Variants in STK25 observed in about 807,000 individuals in gnomAD.
STK25 encodes the protein serine/threonine-protein kinase 25.
Under a neutral mutation model 53.8 loss-of-function variants are expected in STK25, and 29 were observed. The observed-to-expected ratio is 0.54, with a 90% CI of 0.40 to 0.74. STK25 has a LOEUF of 0.74. STK25 is among the 30% of genes least tolerant of loss of function. The pLI is 0.00. For synonymous variants in STK25, 247 were observed against 238.3 expected, an observed-to-expected ratio of 1.04 and a Z score of -0.33; for missense variants, 420 against 568.0, an observed-to-expected ratio of 0.74 and a Z score of 2.65.
rs1204314749 is a variant in STK25, at chr2:241,495,619, AAAAC to A, written c.*39_*42del. 3.1e-6 allele frequency: 5 copies of A among 1,612,632 alleles called. No individual in the cohort carries two copies. The highest frequency in any genetic ancestry group is 2.5e-6 in the Non-Finnish European group (3 of 1,178,610). ...CACAGTTCTTATGGAGCTCAGAACA[AAAAC>A]AAACGACCTTCCGTCCCCTATCTGA... On this transcript the variant is annotated 3_prime_UTR_variant, in exon 12 of 12. Coordinates refer to ENST00000316586, the MANE Select transcript of STK25 (RefSeq NM_001271977.2).
chr2:241,506,279 T>A (rs1176543305), intron 2 of STK25, among the ~76,000 whole-genome samples: 1 of 152,200 alleles, frequency 6.6e-6, no homozygotes, highest in Non-Finnish European at 1.5e-5. Context: ...AAGTCTCTCA[T>A]CATCCAGGCT....
At position 241,501,635 on chromosome 2, in the gene STK25, T is replaced by C. The variant is rs749783236; in HGVS notation, c.104A>G (p.Tyr35Cys). 34 of 1,613,984 alleles carry C rather than the reference T, an allele frequency of 2.1e-5. No individual in the cohort carries two copies. Among genetic ancestry groups the C allele is most frequent in the Non-Finnish European group, 2.6e-5 (31 of 1,180,044 alleles). ...CTTTGTGTGGTTATCGATGCCCTTG[T>C]AGACCTCCCCAAACGAGCCCTTGCC... ...RIGKGSFGEVYKGIDNHTKEV... is the reference protein window; with the variant it reads ...RIGKGSFGEVCKGIDNHTKEV... Residue 35 changes from tyrosine (Y) to cysteine (C), a missense_variant, in exon 3 of 12, where the codon TAC (tyrosine) becomes TGC (cysteine). Physicochemically the swap from Tyr to Cys is radical, Grantham distance 194. Transcript: ENST00000316586. This position sits in a 1 kb window ranked among gnomAD's most constrained non-coding sequence, Gnocchi z 5.3.
Position 241,498,658 on chromosome 2 carries a change from TG to T in STK25, c.897del (p.Ser300AlafsTer105). ...RWKSEGHGEESSSEDSDIDGE... is the reference protein window; with the variant it reads ...RWKSEGHGEEXSSEDSDIDGE... ...CCCTACATGTCAGAGTCCTCAGAGC[TG>T]GACTCCTCGCCATGCCCCTCTGACT... is the stretch of plus-strand genomic sequence containing the variant. On this transcript the variant is annotated frameshift_variant, in exon 8 of 12. Transcript: ENST00000316586. LOFTEE classifies it high-confidence loss of function. 1 of 1,613,936 alleles carries T rather than the reference TG, an allele frequency of 6.2e-7. No individual in the cohort carries two copies. The highest frequency in any genetic ancestry group is 8.5e-7 in the Non-Finnish European group (1 of 1,179,954).
chr2:241,493,578 C>A lies in STK25; in HGVS notation c.*2084G>T. On this transcript the variant is annotated 3_prime_UTR_variant, in exon 12 of 12. Transcript: ENST00000316586. ...GGCTGAGCAATGCTTCCAGCATTTC[C>A]AAAAAACAGCAATGCTTTGTTTTTT... 9.7e-6 allele frequency: 7 copies of A among 719,542 alleles called. No homozygotes were observed. Among genetic ancestry groups the A allele is most frequent in the Non-Finnish European group, 1.6e-5 (7 of 437,510 alleles). The allele number at this position is 719,542 out of a possible 1,614,324, so 44.6% of individuals were successfully genotyped here.
rs538352948 is a variant in STK25, at chr2:241,495,506, C to T, written c.*156G>A. On this transcript the variant is annotated 3_prime_UTR_variant, in exon 12 of 12. Coordinates refer to ENST00000316586, the MANE Select transcript of STK25 (RefSeq NM_001271977.2). ...AGCACACTGCAGGGGTGGAAGGAGA[C>T]GGTGACCTGGTGACCTGGCATGTGA... The T allele has an allele frequency of 4.0e-5, 29 of 724,368 alleles. No homozygotes were observed. In the African/African-American group the frequency reaches 4.1e-4, roughly 10 times the overall value. The allele number at this position is 724,368 out of a possible 1,614,324, so 44.9% of individuals were successfully genotyped here. A position where few individuals can be genotyped will look rare whatever the true frequency, so the allele number is the denominator to read the frequency against.
In STK25 at chr2:241,493,557, GAGCAATGCTTCCAGCATTTCCAAAAAAC is replaced by G; in HGVS notation, c.*2077_*2104del. 1.1e-6 allele frequency: 1 copy of G among 929,570 alleles called. No homozygotes were observed. The highest frequency in any genetic ancestry group is 1.7e-6 in the Non-Finnish European group (1 of 597,266). 57.6% of individuals were successfully genotyped at this position (929,570 alleles called of 1,614,324 possible). A position where few individuals can be genotyped will look rare whatever the true frequency, so the allele number is the denominator to read the frequency against. On this transcript the variant is annotated 3_prime_UTR_variant, in exon 12 of 12. Transcript: ENST00000316586. ...TTCTGGGCCCTGGAAAGGAAGGGCT[GAGCAATGCTTCCAGCATTTCCAAAAAAC>G]AGCAATGCTTTGTTTTTTTTTTTTT...
At chr2:241,507,758 G>A (rs1309926409) in intron 2 of STK25, among the ~76,000 whole-genome samples, 3 of 152,242 alleles carry the variant, frequency 2.0e-5, no homozygotes, top group Non-Finnish European at 4.4e-5. Context: ...CCCTCGCACA[G>A]GCGGAGCCAC....
chr2:241,501,558 C>T lies in STK25; in HGVS notation c.181G>A (p.Glu61Lys). 2 of 1,614,110 alleles carry T rather than the reference C, an allele frequency of 1.2e-6. No homozygotes were observed. Among genetic ancestry groups the T allele is most frequent in the South Asian group, 1.1e-5 (1 of 91,084 alleles). The change falls in exon 3 of 12, where the codon GAG becomes AAG. Residue 61 changes from glutamate (E) to lysine (K), a missense_variant. Physicochemically the swap from Glu to Lys is moderately conservative, Grantham distance 56. Coordinates refer to ENST00000316586, the MANE Select transcript of STK25 (RefSeq NM_001271977.2). This position sits in a 1 kb window ranked among gnomAD's most constrained non-coding sequence, Gnocchi z 5.3. ...IDLEEAEDEI[E>K]DIQQEITVLS... ...ACAGTGATCTCCTGCTGGATGTCCTCGATCTCATCCTCGGCCTCCTCCAGG... is the reference window on the plus strand; with the variant it reads ...ACAGTGATCTCCTGCTGGATGTCCTTGATCTCATCCTCGGCCTCCTCCAGG...
Position 241,498,979 on chromosome 2 carries a change from C to G in STK25, c.771+10G>C. The G allele has an allele frequency of 6.2e-7, 1 of 1,613,550 alleles. No individual in the cohort carries two copies. The highest frequency in any genetic ancestry group is 1.1e-5 in the South Asian group (1 of 91,062). On this transcript the variant is annotated intron_variant, in intron 7 of 11. Transcript: ENST00000316586. ...TGTCTAGAAGGGACCGGGCCAGAGG[C>G]GGGCCTTACGAATCGGGGGTCTTTG...
In STK25 at chr2:241,496,272, C is replaced by A. The variant is rs2065150048; in HGVS notation, c.1241+126G>T. The A allele has an allele frequency of 1.6e-6, 2 of 1,235,534 alleles. No individual in the cohort carries two copies. Among genetic ancestry groups the A allele is most frequent in the African/African-American group, 3.0e-5 (2 of 66,882 alleles). 76.5% of individuals were successfully genotyped at this position (1,235,534 alleles called of 1,614,324 possible). On this transcript the variant is annotated intron_variant, in intron 11 of 11. Transcript: ENST00000316586. This position sits in a 1 kb window ranked among gnomAD's most constrained non-coding sequence, Gnocchi z 5.8. Reference sequence around the variant, plus strand: ...GAAGAGGATGCCACGCCGCGCCTTCCCAGAGTGAAGCGAGCCCATGTAGTG... The same window carrying A: ...GAAGAGGATGCCACGCCGCGCCTTCACAGAGTGAAGCGAGCCCATGTAGTG...
rs753010114 is a variant in STK25, at chr2:241,501,353, C to G, written c.261+125G>C. ...ACACCCTGCCTGCCCAGGGCAGTTT[C>G]CCGGAGGGCATGCACTGAACCGTCA... On this transcript the variant is annotated intron_variant, in intron 3 of 11. Coordinates refer to ENST00000316586, the MANE Select transcript of STK25 (RefSeq NM_001271977.2). This position sits in a 1 kb window ranked among gnomAD's most constrained non-coding sequence, Gnocchi z 5.3. 1.0e-6 allele frequency: 1 copy of G among 985,046 alleles called. No individual in the cohort carries two copies. Among genetic ancestry groups the G allele is most frequent in the South Asian group, 1.4e-5 (1 of 71,042 alleles). 61.0% of individuals were successfully genotyped at this position (985,046 alleles called of 1,614,324 possible).
chr2:241,505,961 C>G (rs2065798932), intron 2 of STK25, among the ~76,000 whole-genome samples: 1 of 152,244 alleles, frequency 6.6e-6, no homozygotes, highest in Admixed American at 6.5e-5. Flanking sequence ...CTGGGGCTGC[C>G]AGGTCTGGGG....
chr2:241,499,235 C>T lies in STK25; in HGVS notation c.585+22G>A. On this transcript the variant is annotated intron_variant, in intron 6 of 11. Coordinates refer to ENST00000316586, the MANE Select transcript of STK25 (RefSeq NM_001271977.2). ...ACCCGAGCCAGGCATGGTGCCCGCA[C>T]CTGCCCGCCCGCTGCACCCACCTTG... 3 of 1,613,824 alleles carry T rather than the reference C, an allele frequency of 1.9e-6. No homozygotes were observed. The South Asian group carries it at 3.3e-5, about 18-fold the overall frequency.
chr2:241,506,197 C>T (rs567727511), intron 2 of STK25, among the ~76,000 whole-genome samples: 4 of 152,344 alleles, frequency 2.6e-5, no homozygotes, highest in East Asian at 1.9e-4. Context: ...CCCCACAGGT[C>T]CACAGGACAC....
chr2:241,492,849 T>A lies in STK25; in HGVS notation c.*2813A>T, dbSNP rs1319701683. ...TCAGCTGGAGAAAGCATGCAGAGGCTTAGTCTTGGGGAGCAAACCCACTCC... is the reference window on the plus strand; with the variant it reads ...TCAGCTGGAGAAAGCATGCAGAGGCATAGTCTTGGGGAGCAAACCCACTCC... On this transcript the variant is annotated 3_prime_UTR_variant, in exon 12 of 12. Transcript: ENST00000316586. 2.0e-5 allele frequency: 16 copies of A among 789,466 alleles called. No individual in the cohort carries two copies. The highest frequency in any genetic ancestry group is 3.4e-5 in the Non-Finnish European group (15 of 447,298). 48.9% of individuals were successfully genotyped at this position (789,466 alleles called of 1,614,324 possible).
intron 2 of STK25, among the ~76,000 whole-genome samples, chr2:241,506,988 T>C (rs1231220487): frequency 2.6e-5 from 4 of 152,066 alleles, no homozygotes; most frequent in African/African-American, 9.7e-5. Flanking sequence ...CTGGTCCGGT[T>C]TCCTCCAAAG....
In STK25 at chr2:241,499,401, T is replaced by G; in HGVS notation, c.441A>C (p.Leu147=). Residue 147 remains leucine (L), a synonymous_variant, in exon 6 of 12, where the codon CTA becomes CTC. Coordinates refer to ENST00000316586, the MANE Select transcript of STK25 (RefSeq NM_001271977.2). ...GCTTCACGTCACCCTGCTCCGAGAG[T>G]AGCACGTTGGCAGCTGCTTGACACA... ...IHRDIKAANV[L]LSEQGDVKLA... is the part of the protein sequence containing the mutation. The G allele has an allele frequency of 3.1e-6, 5 of 1,613,532 alleles. No individual in the cohort carries two copies. The highest frequency in any genetic ancestry group is 1.3e-5 in the African/African-American group (1 of 74,942).
intron 5 of STK25, chr2:241,499,667 A>G (rs1327377131): frequency 1.7e-6 from 1 of 571,572 alleles, no homozygotes; most frequent in African/African-American, 1.9e-5. Context: ...ACAAATCCCA[A>G]CGACAAGCGA....
chr2:241,506,681 C>T (rs1187657974), intron 2 of STK25, among the ~76,000 whole-genome samples: 5 of 152,270 alleles, frequency 3.3e-5, no homozygotes, highest in South Asian at 2.1e-4. Flanking sequence ...ACAGGAGAAT[C>T]GCTTGTACTT....
Sources: allele counts gnomAD v4.1 joint callset (sites outside exome capture counted in the v4.1 genomes callset), GRCh38; gene constraint gnomAD v4.1.1; non-coding constraint Gnocchi (gnomAD v3.1); transcripts MANE v1.5; gene names NCBI Gene and HGNC (gene_info 2026-07-23, HGNC 2026-07-21).